Variants in RBL2 observed in about 807,000 individuals in gnomAD.
The protein encoded by RBL2 is retinoblastoma-like protein 2.
Under a neutral mutation model 126.0 loss-of-function variants are expected in RBL2, and 56 were observed. The ratio of observed to expected loss-of-function variants is 0.44; its 90% CI spans 0.36 to 0.56. RBL2 has a LOEUF of 0.56. Among genes scored for constraint, RBL2 ranks in the 20% least tolerant of loss-of-function variants. The pLI, the probability that RBL2 is intolerant of heterozygous loss-of-function variation, is 0.00. For synonymous variants in RBL2, 454 were observed against 478.5 expected, an observed-to-expected ratio of 0.95 and a Z score of 0.67; for missense variants, 1,229 against 1,398.2, an observed-to-expected ratio of 0.88 and a Z score of 1.93.
chr16:53,435,166 C>T (rs1270254820), intron 1 of RBL2, among the ~76,000 whole-genome samples: 1 of 152,114 alleles, frequency 6.6e-6, no homozygotes, highest in African/African-American at 2.4e-5. Context: ...AGGGGACTTG[C>T]CCTTATTTGC....
At chr16:53,456,267 G>A (rs1019329918) in intron 8 of RBL2, among the ~76,000 whole-genome samples, 1 of 152,172 alleles carries the variant, frequency 6.6e-6, no homozygotes, top group African/African-American at 2.4e-5. Context: ...GCCATCGTAA[G>A]GACTTTTGCT....
intron 5 of RBL2, among the ~76,000 whole-genome samples, 174 bp from the exon 6 acceptor site, chr16:53,453,278 T>C (rs2058133162): frequency 6.6e-6 from 1 of 152,262 alleles, no homozygotes; most frequent in African/African-American, 2.4e-5. Context: ...ACTTTACTTC[T>C]ATTTGCCATT....
At chr16:53,448,543 G>A (rs965667012) in intron 4 of RBL2, among the ~76,000 whole-genome samples, 2 of 152,242 alleles carry the variant, frequency 1.3e-5, no homozygotes, top group African/African-American at 4.8e-5. Context: ...GAGTGCAGTG[G>A]TATGATCTCT....
rs748890396 is a variant in RBL2, at chr16:53,480,638, C to T, written c.2953C>T (p.Pro985Ser). Residue 985 changes from proline (P) to serine (S), a missense_variant, in exon 20 of 22, where the codon CCC becomes TCC. Transcript: ENST00000262133. ...AGTTCCACAGCCCAGCAGTGCTCCT[C>T]CCACACCTACTCGCCTCACAGGTGC... ...LPVPQPSSAP[P>S]TPTRLTGANS... The T allele has an allele frequency of 6.2e-6, 10 of 1,614,040 alleles. 1 individual carries two copies. In the South Asian group the frequency reaches 9.9e-5, roughly 16 times the overall value.
chr16:53,486,216 G>A (rs754606172), intron 21 of RBL2, among the ~76,000 whole-genome samples: 57 of 151,830 alleles, frequency 3.8e-4, no homozygotes, highest in Non-Finnish European at 7.5e-4. Context: ...TGGGAGGGTT[G>A]CTAGAGCCTG....
Position 53,479,936 on chromosome 16 carries a change from C to A in RBL2, c.2826C>A (p.Gly942=). The A allele has an allele frequency of 6.2e-7, 1 of 1,611,800 alleles. No individual in the cohort carries two copies. ...IKGKRKRRNS[G]SSDSRSHQNS... ...GGAAAAGAAAAAGAAGAAATTCTGG[C>A]AGCAGTGATAGCAGAAGCCATCAGA... is the stretch of plus-strand genomic sequence containing the variant. Residue 942 remains glycine (G), a synonymous_variant, in exon 19 of 22, where the codon GGC becomes GGA. Transcript: ENST00000262133.
chr16:53,470,728 A>G lies in RBL2; in HGVS notation c.2527-18A>G. The G allele has an allele frequency of 6.2e-7, 1 of 1,612,548 alleles. No homozygotes were observed. Among genetic ancestry groups the G allele is most frequent in the Non-Finnish European group, 8.5e-7 (1 of 1,179,130 alleles). ...AATACAAGTGTTAAACAAAGTTTGA[A>G]ATGTTTTTATCTCCTAGGTATACCA... is the stretch of plus-strand genomic sequence containing the variant. On this transcript the variant is annotated intron_variant, in intron 16 of 21. Transcript: ENST00000262133.
chr16:53,448,902 C>G (rs1450522682), intron 4 of RBL2: 3 of 152,220 alleles, frequency 2.0e-5, no homozygotes, highest in Non-Finnish European at 2.9e-5. Flanking sequence ...CTGTGAAGGC[C>G]TCTGGGAAGA....
intron 2 of RBL2, 115 bp downstream of exon 2, chr16:53,439,261 G>T: frequency 2.1e-6 from 2 of 947,420 alleles, no homozygotes; most frequent in Admixed American, 3.2e-5. Context: ...CTGTGGACTG[G>T]TGAAATTAGA....
chr16:53,453,668 TA>T, intron 6 of RBL2, 36 bp from the exon 7 acceptor site: 1 of 1,602,944 alleles, frequency 6.2e-7, no homozygotes, highest in Non-Finnish European at 8.5e-7. Flanking sequence ...AAACTTGATT[TA>T]ACATGACGAC....
intron 21 of RBL2, chr16:53,488,199 CCAGA>C (rs1370096227): frequency 2.0e-5 from 3 of 152,280 alleles, no homozygotes; most frequent in East Asian, 1.9e-4. Context: ...TGTGGTGCAT[CCAGA>C]CAATCGACTG....
intron 12 of RBL2, chr16:53,464,615 G>T: frequency 3.5e-6 from 1 of 288,708 alleles, no homozygotes; most frequent in Admixed American, 5.1e-5. Context: ...AGAATACTGT[G>T]ATTTTTATGA....
At chr16:53,472,450 G>A (rs760989517) in intron 17 of RBL2, among the ~76,000 whole-genome samples, 16 of 152,106 alleles carry the variant, frequency 1.1e-4, no homozygotes, top group African/African-American at 2.2e-4. Flanking sequence ...CCATCTTAGC[G>A]GGTATTGGGT....
intron 2 of RBL2, among the ~76,000 whole-genome samples, chr16:53,439,528 T>G (rs2057993679): frequency 6.6e-6 from 1 of 152,136 alleles, no homozygotes; most frequent in Non-Finnish European, 1.5e-5. Context: ...ACAGGACTTG[T>G]GGTCTTAATA....
In RBL2 at chr16:53,467,106, G is replaced by T; in HGVS notation, c.1912G>T (p.Gly638Cys). ...AAGGGCAGATGAAATTTGCATTGCT[G>T]GCTCCCCTTTGACTCCCAGAAGGGT... Reference protein sequence around the residue: ...LERADEICIAGSPLTPRRVTE... With the variant: ...LERADEICIACSPLTPRRVTE... The change falls in exon 14 of 22, where the codon GGC becomes TGC. Residue 638 changes from glycine to cysteine, a missense_variant. Physicochemically the swap from Gly to Cys is radical, Grantham distance 159. Coordinates refer to ENST00000262133, the MANE Select transcript of RBL2 (RefSeq NM_005611.4). 6.2e-7 allele frequency: 1 copy of T among 1,614,056 alleles called. No individual in the cohort carries two copies. The highest frequency in any genetic ancestry group is 8.5e-7 in the Non-Finnish European group (1 of 1,179,974).
chr16:53,461,638 A>T lies in RBL2; in HGVS notation c.1347-103A>T, dbSNP rs368933028. 6.8e-6 allele frequency: 5 copies of T among 732,494 alleles called. No homozygotes were observed. The African/African-American group carries it at 7.4e-5, about 11-fold the overall frequency. 45.4% of individuals were successfully genotyped at this position (732,494 alleles called of 1,614,324 possible). A position where few individuals can be genotyped will look rare whatever the true frequency, so the allele number is the denominator to read the frequency against. On this transcript the variant is annotated intron_variant, in intron 9 of 21. Transcript: ENST00000262133. ...TTTGGGAAGTGTATAGTTTCTGTTC[A>T]GAGTGTTTTATATTTACATGTTAGT... is the stretch of plus-strand genomic sequence containing the variant.
At chr16:53,471,878 C>T (rs1274699075) in intron 17 of RBL2, among the ~76,000 whole-genome samples, 5 of 152,148 alleles carry the variant, frequency 3.3e-5, no homozygotes, top group Non-Finnish European at 5.9e-5. Flanking sequence ...AGAACATTTC[C>T]GTACCTGCAA....
At chr16:53,468,242 T>A (rs769221708) in intron 14 of RBL2, among the ~76,000 whole-genome samples, 12 of 152,162 alleles carry the variant, frequency 7.9e-5, no homozygotes, top group Admixed American at 4.6e-4. Context: ...AGTTTTAAAG[T>A]CAGGATTCAC....
chr16:53,481,851 A>G lies in RBL2; in HGVS notation c.3249+16A>G, dbSNP rs190422348. On this transcript the variant is annotated intron_variant, in intron 21 of 21. Coordinates refer to ENST00000262133, the MANE Select transcript of RBL2 (RefSeq NM_005611.4). ...TCCTTCAAAGGTGAGCCTAACATCA[A>G]TCTTGGCCTTTACTAACCTCAAAAT... 4.2e-5 allele frequency: 66 copies of G among 1,559,878 alleles called. No homozygotes were observed. In the East Asian group the frequency reaches 4.9e-4, roughly 12 times the overall value.
Sources: gnomAD v4.1 joint callset for allele counts (sites outside exome capture counted in the v4.1 genomes callset) on GRCh38, gnomAD v4.1.1 for gene constraint, MANE v1.5 for transcripts, NCBI Gene and HGNC (gene_info 2026-07-23, HGNC 2026-07-21) for gene names.